KLF8: variants seen among roughly 807,000 people sequenced by gnomAD.
The protein encoded by KLF8 is KLF transcription factor 8.
Under a neutral mutation model 18.2 loss-of-function variants are expected in KLF8, and 10 were observed. The observed-to-expected ratio is 0.55, with a 90% CI of 0.34 to 0.93. KLF8 has a LOEUF of 0.93. KLF8 is among the 40% of genes least tolerant of loss of function. The pLI is 0.02. For synonymous variants in KLF8, 109 were observed against 97.3 expected, an observed-to-expected ratio of 1.12 and a Z score of -0.71; for missense variants, 264 against 277.9, an observed-to-expected ratio of 0.95 and a Z score of 0.36.
the KLF8 span, among the ~76,000 whole-genome samples, chrX:55,954,019 C>T: frequency 9.3e-6 from 1 of 107,912 alleles, no homozygotes. Context: ...GTGAAATAAC[C>T]CATAGAATAG....
At chrX:56,116,067 A>C in the KLF8 span, among the ~76,000 whole-genome samples, 1 of 112,907 alleles carries the variant, frequency 8.9e-6, no homozygotes, top group East Asian at 2.8e-4. Flanking sequence ...CCCTGATTTG[A>C]CTTTTTATTC....
At chrX:55,919,553 T>A in the KLF8 span, among the ~76,000 whole-genome samples, 1 of 111,276 alleles carries the variant, frequency 9.0e-6, no homozygotes, top group Non-Finnish European at 1.9e-5. Flanking sequence ...TGAAACCCGC[T>A]TTTAGGATTG....
At chrX:56,061,986 C>CTTTTTTTTTTT in the KLF8 span, among the ~76,000 whole-genome samples, 7 of 57,119 alleles carry the variant, frequency 1.2e-4, 1 homozygote, top group African/African-American at 9.3e-4. Context: ...GCAACCCCTG[C>CTTTTTTTTTTT]TTTTTTTTTT....
At chrX:56,069,901 G>C in the KLF8 span, among the ~76,000 whole-genome samples, 1 of 112,397 alleles carries the variant, frequency 8.9e-6, no homozygotes, top group Non-Finnish European at 1.9e-5. Flanking sequence ...CCATTGCTGG[G>C]TATATACCCA....
At chrX:56,137,105 A>G in the KLF8 span, among the ~76,000 whole-genome samples, 2 of 110,312 alleles carry the variant, frequency 1.8e-5, no homozygotes, top group African/African-American at 6.6e-5. Context: ...TCAGGAAACA[A>G]CAGGTTCTGG....
At chrX:55,993,837 T>C in the KLF8 span, among the ~76,000 whole-genome samples, 2 of 110,822 alleles carry the variant, frequency 1.8e-5, no homozygotes, top group African/African-American at 6.6e-5. Context: ...TTCTTTCTGG[T>C]CAATCTTGGG....
chrX:56,064,297 CT>C, the KLF8 span, among the ~76,000 whole-genome samples: 7 of 108,024 alleles, frequency 6.5e-5, no homozygotes, highest in Middle Eastern at 9.6e-3. Flanking sequence ...GTCTTTTTGC[CT>C]TTTTTTTCTT....
the KLF8 span, among the ~76,000 whole-genome samples, chrX:55,922,317 A>G: frequency 2.7e-5 from 3 of 112,785 alleles, no homozygotes; most frequent in Non-Finnish European, 5.6e-5. Flanking sequence ...TTTGTAGGAC[A>G]TGGATGGAGC....
the KLF8 span, among the ~76,000 whole-genome samples, chrX:55,913,536 G>C: frequency 9.0e-6 from 1 of 111,415 alleles, no homozygotes; most frequent in Non-Finnish European, 1.9e-5. Context: ...ATGATGTGAA[G>C]AGACATGGAG....
At chrX:56,178,110 G>T in the KLF8 span, among the ~76,000 whole-genome samples, 2 of 111,863 alleles carry the variant, frequency 1.8e-5, no homozygotes, top group Non-Finnish European at 3.8e-5. Context: ...CCAATGTCCT[G>T]CACCCACTTT....
At chrX:56,020,989 T>G in the KLF8 span, among the ~76,000 whole-genome samples, 3 of 112,195 alleles carry the variant, frequency 2.7e-5, no homozygotes, top group African/African-American at 9.7e-5. Context: ...AATATGTATG[T>G]TTACATTCTG....
At chrX:56,146,961 G>A in the KLF8 span, among the ~76,000 whole-genome samples, 11 of 112,231 alleles carry the variant, frequency 9.8e-5, no homozygotes, top group Non-Finnish European at 1.9e-4. Context: ...AAATCTCAGC[G>A]CCAGTAGCAG....
the KLF8 span, among the ~76,000 whole-genome samples, chrX:56,208,278 A>C: frequency 8.9e-6 from 1 of 112,087 alleles, no homozygotes; most frequent in Non-Finnish European, 1.9e-5. Context: ...ATATTTGCTC[A>C]TAATAGCCAC....
the KLF8 span, among the ~76,000 whole-genome samples, chrX:56,057,036 G>A: frequency 1.3e-5 from 1 of 75,192 alleles, no homozygotes; most frequent in Non-Finnish European, 3.3e-5. Flanking sequence ...GGTGCTAACA[G>A]GGGCTTGGGG....
the KLF8 span, among the ~76,000 whole-genome samples, chrX:55,981,817 G>A: frequency 0.085 from 9,521 of 111,368 alleles, 1,000 homozygotes; most frequent in African/African-American, 0.3. Context: ...CTAGAAACAG[G>A]AAAAGACTGG....
chrX:56,095,609 A>G, the KLF8 span, among the ~76,000 whole-genome samples: 2 of 112,241 alleles, frequency 1.8e-5, no homozygotes, highest in African/African-American at 6.5e-5. Flanking sequence ...GACAACAGGA[A>G]AAAAACAAAT....
At chrX:56,142,143 G>A in the KLF8 span, among the ~76,000 whole-genome samples, 13,869 of 110,704 alleles carry the variant, frequency 0.13, 1,599 homozygotes, top group African/African-American at 0.37. Flanking sequence ...AACCTATGAA[G>A]TAAACCATTA....
the KLF8 span, among the ~76,000 whole-genome samples, chrX:56,184,993 C>A: frequency 8.9e-6 from 1 of 112,644 alleles, no homozygotes; most frequent in Non-Finnish European, 1.9e-5. Context: ...GAACGCAGTT[C>A]CTTACCAGCA....
At chrX:55,977,254 C>T in the KLF8 span, among the ~76,000 whole-genome samples, 2 of 111,539 alleles carry the variant, frequency 1.8e-5, no homozygotes, top group Non-Finnish European at 3.8e-5. Flanking sequence ...TAGTTGTGGG[C>T]TTGCTATATA....
Sources: allele counts gnomAD v4.1 joint callset (sites outside exome capture counted in the v4.1 genomes callset), GRCh38; gene constraint gnomAD v4.1.1; transcripts MANE v1.5; gene names NCBI Gene and HGNC (gene_info 2026-07-23, HGNC 2026-07-21).